Variants in TRPC7 observed in about 807,000 individuals in gnomAD.
TRPC7 encodes short transient receptor potential channel 7.
A neutral mutation model predicts 90.1 loss-of-function variants in TRPC7; 42 were observed. The observed-to-expected ratio is 0.47, with a 90% CI of 0.36 to 0.60. TRPC7 has a LOEUF of 0.60. Among genes scored for constraint, TRPC7 ranks in the 20% least tolerant of loss-of-function variants. TRPC7 has a pLI of 0.00. For synonymous variants in TRPC7, 451 were observed against 436.3 expected (o/e 1.03, Z -0.42); for missense variants, 955 against 1,112.3 (o/e 0.86, Z 2.01).
chr5:136,284,064 A>G (rs1314149465), intron 3 of TRPC7, among the ~76,000 whole-genome samples: 1 of 152,182 alleles, frequency 6.6e-6, no homozygotes, highest in Non-Finnish European at 1.5e-5. Context: ...GACAACTTCA[A>G]TTGCTGTCTG....
intron 2 of TRPC7, among the ~76,000 whole-genome samples, chr5:136,318,149 G>A (rs1759086874): frequency 6.6e-6 from 1 of 152,194 alleles, no homozygotes; most frequent in East Asian, 1.9e-4. Context: ...GGCCATTGAT[G>A]AACATCTCTT....
intron 8 of TRPC7, 39 bp from the exon 9 acceptor site, chr5:136,226,294 C>T: frequency 6.8e-7 from 1 of 1,468,074 alleles, no homozygotes; most frequent in Non-Finnish European, 9.3e-7. Context: ...CCTCAAAGGC[C>T]ACGATTTAAC....
At chr5:136,284,213 A>G (rs1000500992) in intron 3 of TRPC7, among the ~76,000 whole-genome samples, 8 of 152,248 alleles carry the variant, frequency 5.3e-5, no homozygotes, top group African/African-American at 1.7e-4. Context: ...AATATTCAGC[A>G]TTCAACGGTA....
intron 5 of TRPC7, among the ~76,000 whole-genome samples, chr5:136,257,751 A>C (rs1400828809): frequency 1.3e-5 from 2 of 152,226 alleles, no homozygotes; most frequent in Admixed American, 1.3e-4. Context: ...ATACACTTTC[A>C]TCTGTGACTG....
At chr5:136,225,991 C>T (rs1220983930) in intron 9 of TRPC7, 43 bp downstream of exon 9, 4 of 1,524,578 alleles carry the variant, frequency 2.6e-6, no homozygotes, top group Non-Finnish European at 3.6e-6. Context: ...CGCCTGCCCC[C>T]TCCTGCTGCC....
chr5:136,249,500 C>T (rs1261301416), intron 6 of TRPC7, among the ~76,000 whole-genome samples: 1 of 152,148 alleles, frequency 6.6e-6, no homozygotes, highest in Non-Finnish European at 1.5e-5. Flanking sequence ...TAAAATAAGA[C>T]ATAACTTCTC....
intron 3 of TRPC7, among the ~76,000 whole-genome samples, chr5:136,276,198 T>A (rs1464455703): frequency 1.3e-5 from 2 of 152,212 alleles, no homozygotes; most frequent in African/African-American, 4.8e-5. Context: ...CTCGTTAGCT[T>A]ATTTTTTTCC....
chr5:136,213,340 G>A lies in TRPC7; in HGVS notation c.*95C>T. 7.7e-7 allele frequency: 1 copy of A among 1,298,478 alleles called. No individual in the cohort carries two copies. 80.4% of individuals were successfully genotyped at this position (1,298,478 alleles called of 1,614,324 possible). On this transcript the variant is annotated 3_prime_UTR_variant, in exon 12 of 12. Coordinates refer to ENST00000513104, the MANE Select transcript of TRPC7 (RefSeq NM_020389.3). ...GAGATCCCCTTCGTGTCCTAGAGGAGTGGGCTGGGGACCCCTCCCCACCAA... is the reference window on the plus strand; with the variant it reads ...GAGATCCCCTTCGTGTCCTAGAGGAATGGGCTGGGGACCCCTCCCCACCAA...
At chr5:136,316,060 T>G in intron 2 of TRPC7, 2 of 376,708 alleles carry the variant, frequency 5.3e-6, no homozygotes, top group Non-Finnish European at 4.8e-6. Flanking sequence ...AAGTTGCAGA[T>G]TCCCAGGTCC....
intron 3 of TRPC7, among the ~76,000 whole-genome samples, chr5:136,290,958 C>T (rs1436190086): frequency 1.3e-5 from 2 of 152,210 alleles, no homozygotes; most frequent in Non-Finnish European, 2.9e-5. Flanking sequence ...AGAAACTCTG[C>T]AAGCCAGAAG....
At chr5:136,221,834 A>G (rs1269252881) in intron 10 of TRPC7, among the ~76,000 whole-genome samples, 1 of 152,228 alleles carries the variant, frequency 6.6e-6, no homozygotes, top group Non-Finnish European at 1.5e-5. Flanking sequence ...AGATTGCAGC[A>G]TAAAGATTGG....
intron 2 of TRPC7, among the ~76,000 whole-genome samples, chr5:136,350,279 A>G (rs1760148368): frequency 6.6e-6 from 1 of 152,198 alleles, no homozygotes; most frequent in Non-Finnish European, 1.5e-5. Context: ...GTCTGGTTCC[A>G]GGGCCAACCT....
intron 4 of TRPC7, among the ~76,000 whole-genome samples, chr5:136,269,731 C>T (rs902161511): frequency 6.6e-6 from 1 of 152,244 alleles, no homozygotes; most frequent in Non-Finnish European, 1.5e-5. Flanking sequence ...CAAATGTTAG[C>T]GAGATCCTGG....
At chr5:136,244,780 C>T (rs929140357) in intron 7 of TRPC7, among the ~76,000 whole-genome samples, 2 of 152,152 alleles carry the variant, frequency 1.3e-5, no homozygotes, top group Admixed American at 6.5e-5. Context: ...TATTCTATTC[C>T]TTCAGCAGTT....
At chr5:136,276,217 G>A (rs1335915966) in intron 3 of TRPC7, among the ~76,000 whole-genome samples, 1 of 152,172 alleles carries the variant, frequency 6.6e-6, no homozygotes, top group Non-Finnish European at 1.5e-5. Context: ...CCCCATGACA[G>A]GAGGAAGCCA....
At chr5:136,361,880 G>T (rs1423904514) in intron 1 of TRPC7, among the ~76,000 whole-genome samples, 1 of 152,082 alleles carries the variant, frequency 6.6e-6, no homozygotes, top group Non-Finnish European at 1.5e-5. Context: ...CAGTTCTCTT[G>T]CCAAAATAAA....
chr5:136,231,652 T>G, intron 7 of TRPC7, 103 bp from the exon 8 acceptor site: 1 of 1,052,718 alleles, frequency 9.5e-7, no homozygotes, highest in Non-Finnish European at 1.4e-6. Context: ...TTGCCTAGGC[T>G]GGAGTGCAGT....
At chr5:136,355,605 TG>T (rs35129135) in intron 2 of TRPC7, among the ~76,000 whole-genome samples, 46,548 of 152,032 alleles carry the variant, frequency 0.31, 7,868 homozygotes, top group Admixed American at 0.43. Context: ...AAGACCATCC[TG>T]GCTAACATGG....
intron 3 of TRPC7, among the ~76,000 whole-genome samples, chr5:136,298,995 C>T (rs1383293150): frequency 6.6e-6 from 1 of 151,912 alleles, no homozygotes; most frequent in Non-Finnish European, 1.5e-5. Context: ...ATGACATGAT[C>T]TGATTACTTA....
Sources: gnomAD v4.1 joint callset for allele counts (sites outside exome capture counted in the v4.1 genomes callset) on GRCh38, gnomAD v4.1.1 for gene constraint, MANE v1.5 for transcripts, NCBI Gene and HGNC (gene_info 2026-07-23, HGNC 2026-07-21) for gene names.